Variants in NAV2 observed in about 807,000 individuals in gnomAD.
The protein encoded by NAV2 is helicase, APC down-regulated 1.
Under a neutral mutation model 223.2 loss-of-function variants are expected in NAV2, and 54 were observed. The ratio of observed to expected loss-of-function variants is 0.24; its 90% CI spans 0.19 to 0.30. NAV2 has a LOEUF of 0.30. NAV2 is among the 10% of genes least tolerant of loss of function. The pLI is 1.00. For missense variants in NAV2, 2,806 were observed against 3,147.5 expected (o/e 0.89, Z 2.60); for synonymous variants, 1,279 against 1,239.3 (o/e 1.03, Z -0.67).
intron 1 of NAV2, among the ~76,000 whole-genome samples, chr11:19,754,170 A>G (rs1021451426): frequency 2.6e-5 from 4 of 152,090 alleles, no homozygotes; most frequent in African/African-American, 7.2e-5. Flanking sequence ...GAGCTTTTCA[A>G]TGCCCTTCCT....
At chr11:19,389,333 C>T (rs985384183) in intron 1 of NAV2, among the ~76,000 whole-genome samples, 4 of 152,224 alleles carry the variant, frequency 2.6e-5, no homozygotes, top group Admixed American at 2.0e-4. Flanking sequence ...CTTATGGAGA[C>T]AAGCAAATAA....
chr11:19,489,724 C>T (rs970096760), intron 1 of NAV2, among the ~76,000 whole-genome samples: 1 of 152,192 alleles, frequency 6.6e-6, no homozygotes, highest in Non-Finnish European at 1.5e-5. Context: ...TTGGGATATA[C>T]TACGTACTGA....
intron 10 of NAV2, among the ~76,000 whole-genome samples, chr11:19,963,105 A>G (rs187939951): frequency 6.6e-6 from 1 of 152,352 alleles, no homozygotes; most frequent in South Asian, 2.1e-4. Context: ...CTGCTAACCC[A>G]TGACTTTCTG....
Position 19,842,857 on chromosome 11 carries a change from G to A in NAV2, c.386-14G>A. Reference sequence around the variant, plus strand: ...CTGGTGATTTATTTTTCTGACTTGTGTTTCCTTTTTCAGCAAATGAAAAGA... The same window carrying A: ...CTGGTGATTTATTTTTCTGACTTGTATTTCCTTTTTCAGCAAATGAAAAGA... On this transcript the variant is annotated splice_polypyrimidine_tract_variant and intron_variant, in intron 2 of 37. Coordinates refer to ENST00000349880, the MANE Select transcript of NAV2 (RefSeq NM_145117.5). 1.2e-6 allele frequency: 2 copies of A among 1,613,642 alleles called. No individual in the cohort carries two copies. Among genetic ancestry groups the A allele is most frequent in the South Asian group, 1.1e-5 (1 of 91,056 alleles).
intron 11 of NAV2, chr11:20,027,521 GAA>G: frequency 1.1e-6 from 1 of 951,816 alleles, no homozygotes; most frequent in South Asian, 4.8e-5. Context: ...TAGTCACCTG[GAA>G]AGAGGCAGAC....
chr11:19,838,222 G>A (rs188994920), intron 2 of NAV2, among the ~76,000 whole-genome samples: 16 of 152,304 alleles, frequency 1.1e-4, no homozygotes, highest in Middle Eastern at 3.4e-3. Context: ...AGGGACAGCC[G>A]CTTTCTAGGC....
chr11:20,067,135 T>A (rs1399246971), intron 20 of NAV2, among the ~76,000 whole-genome samples: 1 of 152,210 alleles, frequency 6.6e-6, no homozygotes, highest in African/African-American at 2.4e-5. Context: ...AGTTCACGAT[T>A]ACTTCACAGG....
intron 1 of NAV2, among the ~76,000 whole-genome samples, chr11:19,436,385 T>C (rs1270040136): frequency 6.6e-6 from 1 of 152,330 alleles, no homozygotes; most frequent in Non-Finnish European, 1.5e-5. Context: ...CAGTTGATCA[T>C]AGATATGTGA....
At chr11:19,752,009 A>T (rs2053863440) in intron 1 of NAV2, among the ~76,000 whole-genome samples, 1 of 152,116 alleles carries the variant, frequency 6.6e-6, no homozygotes, top group African/African-American at 2.4e-5. Flanking sequence ...TCCACCTTGG[A>T]GCCTCTTCTT....
chr11:19,826,743 A>G (rs550305143), intron 1 of NAV2, among the ~76,000 whole-genome samples: 86 of 152,324 alleles, frequency 5.6e-4, no homozygotes, highest in African/African-American at 1.9e-3. Flanking sequence ...CTATGGAGTG[A>G]TTTATTTTCC....
At chr11:19,914,435 A>T (rs1437797476) in intron 6 of NAV2, among the ~76,000 whole-genome samples, 2 of 152,180 alleles carry the variant, frequency 1.3e-5, no homozygotes, top group Non-Finnish European at 2.9e-5. Context: ...CAGAAAAGTG[A>T]TACAGGCTTT....
intron 26 of NAV2, among the ~76,000 whole-genome samples, chr11:20,087,357 TG>T (rs1179565863): frequency 2.6e-5 from 4 of 152,176 alleles, no homozygotes; most frequent in Non-Finnish European, 5.9e-5. Flanking sequence ...TGGAGATGTT[TG>T]TTTTTGGTCT....
intron 6 of NAV2, 43 bp downstream of exon 6, chr11:19,892,637 G>A (rs1208911733): frequency 6.2e-6 from 10 of 1,602,378 alleles, no homozygotes; most frequent in Non-Finnish European, 8.5e-6. Context: ...TTTTCCTTCA[G>A]AGCACATCTA....
intron 35 of NAV2, among the ~76,000 whole-genome samples, chr11:20,106,181 G>GTATA (rs1565089099): frequency 6.7e-5 from 1 of 14,898 alleles, no homozygotes; most frequent in African/African-American, 1.5e-4. Context: ...ATATATGTGT[G>GTATA]TGTATATATA....
intron 4 of NAV2, among the ~76,000 whole-genome samples, chr11:19,875,108 G>C (rs1280794089): frequency 6.6e-6 from 1 of 152,166 alleles, no homozygotes; most frequent in Non-Finnish European, 1.5e-5. Context: ...AGTGAGCTGG[G>C]ATTGTGCCAC....
At chr11:19,676,726 A>C (rs2048722103) in intron 1 of NAV2, among the ~76,000 whole-genome samples, 1 of 152,182 alleles carries the variant, frequency 6.6e-6, no homozygotes, top group Non-Finnish European at 1.5e-5. Context: ...TTTGGCTCTC[A>C]GAGAACCAGG....
At chr11:19,813,226 T>C (rs1255771270) in intron 1 of NAV2, among the ~76,000 whole-genome samples, 2 of 151,974 alleles carry the variant, frequency 1.3e-5, no homozygotes, top group Admixed American at 1.3e-4. Context: ...GGAGGCACCA[T>C]GCGACTAAAA....
chr11:19,654,990 C>A (rs956320734), intron 1 of NAV2, among the ~76,000 whole-genome samples: 3 of 152,184 alleles, frequency 2.0e-5, no homozygotes, highest in African/African-American at 7.2e-5. Flanking sequence ...GCAATCTACT[C>A]ATCTGACAAA....
At chr11:19,498,130 C>T (rs187035642) in intron 1 of NAV2, among the ~76,000 whole-genome samples, 181 of 152,322 alleles carry the variant, frequency 1.2e-3, no homozygotes, top group African/African-American at 4.0e-3. Context: ...GAGCACTCTG[C>T]GTGCTGCCCT....
Sources: allele counts gnomAD v4.1 joint callset (sites outside exome capture counted in the v4.1 genomes callset), GRCh38; gene constraint gnomAD v4.1.1; transcripts MANE v1.5; gene names NCBI Gene and HGNC (gene_info 2026-07-23, HGNC 2026-07-21).